Variants in ROBO2 observed in about 807,000 individuals in gnomAD.
ROBO2 encodes roundabout homolog 2.
A neutral mutation model predicts 160.8 loss-of-function variants in ROBO2; 53 were observed. The ratio of observed to expected loss-of-function variants is 0.33; its 90% CI spans 0.26 to 0.41. The LOEUF (loss-of-function observed/expected upper bound fraction) is 0.41. Among genes scored for constraint, ROBO2 ranks in the 10% least tolerant of loss-of-function variants. The pLI is 1.00. For synonymous variants in ROBO2, 664 were observed against 611.7 expected (o/e 1.09, Z -1.26); for missense variants, 1,577 against 1,722.4 (o/e 0.92, Z 1.49).
intron 2 of ROBO2, among the ~76,000 whole-genome samples, chr3:76,820,982 C>A (rs2066073052): frequency 6.6e-6 from 1 of 151,702 alleles, no homozygotes; most frequent in African/African-American, 2.4e-5. Flanking sequence ...AAAAAATCAA[C>A]ACTTGGAAGC....
intron 2 of ROBO2, among the ~76,000 whole-genome samples, chr3:77,446,282 A>G (rs2080500662): frequency 6.6e-6 from 1 of 152,020 alleles, no homozygotes; most frequent in Admixed American, 6.6e-5. Flanking sequence ...CACAAAGAAA[A>G]TGATGACACA....
At chr3:76,518,008 C>A (rs961965086) in intron 2 of ROBO2, among the ~76,000 whole-genome samples, 1 of 151,906 alleles carries the variant, frequency 6.6e-6, no homozygotes, top group Admixed American at 6.6e-5. Flanking sequence ...TATCATGCAT[C>A]AGGGGGTTCC....
At chr3:75,962,195 A>G (rs1490232776) in intron 2 of ROBO2, among the ~76,000 whole-genome samples, 1 of 151,746 alleles carries the variant, frequency 6.6e-6, no homozygotes, top group African/African-American at 2.4e-5. Context: ...TAACTCATCC[A>G]TAGAAGGAAA....
chr3:76,488,211 T>G (rs1225473470), intron 2 of ROBO2, among the ~76,000 whole-genome samples: 1 of 152,276 alleles, frequency 6.6e-6, no homozygotes, highest in African/African-American at 2.4e-5. Flanking sequence ...TGGGTCAGAA[T>G]TTTGGCACAG....
At chr3:76,604,433 C>A (rs1692216180) in intron 2 of ROBO2, among the ~76,000 whole-genome samples, 1 of 152,056 alleles carries the variant, frequency 6.6e-6, no homozygotes. Flanking sequence ...CAGTTCTTCT[C>A]AGAATAAGGC....
rs538880514 is a variant in ROBO2, at chr3:76,638,093, T to C, written c.110-459921T>C. ...GTTTGGAAGCATGAAGATACTATCA[T>C]GTACTTGATCCAGTCTTAAATTTTC... On this transcript the variant is annotated intron_variant, in intron 2 of 26. Transcript: ENST00000487694. Among the ~76,000 whole-genome samples the C allele has an allele frequency of 3.9e-5, 6 of 152,334 alleles. No individual in the cohort carries two copies. In the East Asian group the frequency reaches 1.2e-3, roughly 29 times the overall value.
At chr3:77,541,282 G>A (rs2153644375) in intron 6 of ROBO2, among the ~76,000 whole-genome samples, 1 of 152,156 alleles carries the variant, frequency 6.6e-6, no homozygotes, top group East Asian at 1.9e-4. Flanking sequence ...AACCTTTAGA[G>A]TCCCCCATCC....
At chr3:76,834,146 C>T (rs1166942) in intron 2 of ROBO2, among the ~76,000 whole-genome samples, 3 of 120,936 alleles carry the variant, frequency 2.5e-5, no homozygotes, top group East Asian at 2.9e-4. Context: ...TTCCTTCCTT[C>T]CTTTCTTTCT....
chr3:76,796,136 A>G (rs1170185262), intron 2 of ROBO2, among the ~76,000 whole-genome samples: 1 of 152,066 alleles, frequency 6.6e-6, no homozygotes, highest in Non-Finnish European at 1.5e-5. Flanking sequence ...GTCAGTGAGC[A>G]TTGGCTTCAA....
chr3:77,497,552 C>T (rs144076034), intron 5 of ROBO2, among the ~76,000 whole-genome samples: 41 of 152,064 alleles, frequency 2.7e-4, no homozygotes, highest in East Asian at 5.8e-4. Flanking sequence ...GATTGGGTGA[C>T]GTGGGAAAGT....
chr3:76,301,487 G>C (rs1466219680), intron 2 of ROBO2, among the ~76,000 whole-genome samples: 1 of 152,012 alleles, frequency 6.6e-6, no homozygotes, highest in Non-Finnish European at 1.5e-5. Flanking sequence ...TTTATACTAA[G>C]TGATCTTTTA....
At chr3:76,212,015 T>A (rs1703176595) in intron 2 of ROBO2, among the ~76,000 whole-genome samples, 1 of 152,012 alleles carries the variant, frequency 6.6e-6, no homozygotes, top group Admixed American at 6.6e-5. Context: ...AGTAGATTTC[T>A]AGAAATACAT....
intron 2 of ROBO2, among the ~76,000 whole-genome samples, chr3:76,171,232 TTAAG>T (rs1471024490): frequency 2.0e-5 from 3 of 151,972 alleles, no homozygotes; most frequent in African/African-American, 4.8e-5. Context: ...AATTTTCTAA[TTAAG>T]TAAGCCCACC....
chr3:76,428,394 A>AT (rs1261926683), intron 2 of ROBO2, among the ~76,000 whole-genome samples: 3 of 152,228 alleles, frequency 2.0e-5, no homozygotes, highest in Non-Finnish European at 4.4e-5. Flanking sequence ...TTTAAGGGAC[A>AT]TTTTTAAGAA....
intron 2 of ROBO2, among the ~76,000 whole-genome samples, chr3:76,443,714 C>G (rs1164727213): frequency 6.6e-6 from 1 of 152,068 alleles, no homozygotes; most frequent in African/African-American, 2.4e-5. Flanking sequence ...TGAGTTACTT[C>G]TTAAAAAGGC....
At chr3:76,964,356 T>G (rs561022011) in intron 2 of ROBO2, among the ~76,000 whole-genome samples, 1 of 152,304 alleles carries the variant, frequency 6.6e-6, no homozygotes, top group South Asian at 2.1e-4. Context: ...TTTGTTTTGT[T>G]TTTGAGATGG....
intron 2 of ROBO2, among the ~76,000 whole-genome samples, chr3:77,471,619 T>C (rs894941238): frequency 2.6e-5 from 4 of 152,164 alleles, no homozygotes; most frequent in Non-Finnish European, 5.9e-5. Context: ...AAAGATTCAA[T>C]AACTTAGTCT....
At position 76,191,150 on chromosome 3, in the gene ROBO2, A is replaced by C. The variant is rs1360961177; in HGVS notation, c.109+253548A>C. Among the ~76,000 whole-genome samples, 4 of 152,266 alleles carry C rather than the reference A, an allele frequency of 2.6e-5. No individual in the cohort carries two copies. In the East Asian group the frequency reaches 7.7e-4, roughly 29 times the overall value. On this transcript the variant is annotated intron_variant, in intron 2 of 26. Transcript: ENST00000487694. Reference sequence around the variant, plus strand: ...GCAAGGAGAATCTATAAGTGCAAATACAGATCTTGCTACACATGATTAAGT... The same window carrying C: ...GCAAGGAGAATCTATAAGTGCAAATCCAGATCTTGCTACACATGATTAAGT...
intron 2 of ROBO2, among the ~76,000 whole-genome samples, chr3:76,258,292 GTTC>G (rs1706531645): frequency 6.6e-6 from 1 of 151,668 alleles, no homozygotes; most frequent in Admixed American, 6.6e-5. Flanking sequence ...CTTATTCTAA[GTTC>G]TTATTTTTTC....
Sources: gnomAD v4.1 joint callset for allele counts (sites outside exome capture counted in the v4.1 genomes callset) on GRCh38, gnomAD v4.1.1 for gene constraint, MANE v1.5 for transcripts, NCBI Gene and HGNC (gene_info 2026-07-23, HGNC 2026-07-21) for gene names.